NTM: variants seen among roughly 807,000 people sequenced by gnomAD.
NTM encodes IgLON family member 2.
In NTM, 13 loss-of-function variants were observed where a neutral mutation model predicts 42.1. That is an observed-to-expected ratio of 0.31 (90% CI 0.20 to 0.49). NTM has a LOEUF of 0.49. Among genes scored for constraint, NTM ranks in the 20% least tolerant of loss-of-function variants. NTM has a pLI of 0.99. For synonymous variants in NTM, 187 were observed against 179.2 expected (o/e 1.04, Z -0.35); for missense variants, 373 against 452.8 (o/e 0.82, Z 1.60).
intron 1 of NTM, among the ~76,000 whole-genome samples, chr11:131,486,045 A>G (rs549449247): frequency 6.6e-6 from 1 of 152,092 alleles, no homozygotes; most frequent in Non-Finnish European, 1.5e-5. Context: ...ACACAATTTA[A>G]ATACCAAGCA....
intron 2 of NTM, among the ~76,000 whole-genome samples, chr11:132,116,236 G>C (rs1164103297): frequency 6.6e-6 from 1 of 152,178 alleles, no homozygotes; most frequent in Non-Finnish European, 1.5e-5. Context: ...ACACTCCATA[G>C]GGCTGGAGGG....
At chr11:132,232,882 G>A (rs2087921551) in intron 4 of NTM, among the ~76,000 whole-genome samples, 1 of 152,164 alleles carries the variant, frequency 6.6e-6, no homozygotes, top group African/African-American at 2.4e-5. Context: ...AACGTAAGCG[G>A]CGTTTATGAC....
At chr11:131,575,875 G>T (rs922568542) in intron 1 of NTM, among the ~76,000 whole-genome samples, 1 of 152,156 alleles carries the variant, frequency 6.6e-6, no homozygotes, top group East Asian at 1.9e-4. Flanking sequence ...GGTGCTCTGT[G>T]GATTCCAGAT....
chr11:132,177,807 A>G lies in NTM; in HGVS notation c.400+31293A>G, dbSNP rs73038247. On this transcript the variant is annotated intron_variant, in intron 3 of 8. Coordinates refer to ENST00000683400, the MANE Select transcript of NTM (RefSeq NM_001352005.2). Reference sequence around the variant, plus strand: ...GATCAGGATCTTCATCTGTCGTATGACTATGACTAATGCACTCATCCTGAC... The same window carrying G: ...GATCAGGATCTTCATCTGTCGTATGGCTATGACTAATGCACTCATCCTGAC... Among the ~76,000 whole-genome samples the G allele has an allele frequency of 9.4e-3, 1,434 of 152,336 alleles. 29 individuals are homozygous for G. Among genetic ancestry groups the G allele is most frequent in the Non-Finnish European group, 9.7e-3 (661 of 68,042 alleles).
At chr11:131,978,955 A>C (rs897199247) in intron 2 of NTM, among the ~76,000 whole-genome samples, 1 of 152,156 alleles carries the variant, frequency 6.6e-6, no homozygotes, top group African/African-American at 2.4e-5. Flanking sequence ...TAGAAAACAA[A>C]ACTCTTGTCT....
At chr11:132,188,717 C>T (rs1457753169) in intron 3 of NTM, among the ~76,000 whole-genome samples, 1 of 152,196 alleles carries the variant, frequency 6.6e-6, no homozygotes, top group African/African-American at 2.4e-5. Context: ...CCTGCATATA[C>T]ACATAACTGT....
intron 3 of NTM, among the ~76,000 whole-genome samples, chr11:132,173,216 A>G (rs2076340112): frequency 6.6e-6 from 1 of 152,128 alleles, no homozygotes; most frequent in South Asian, 2.1e-4. Flanking sequence ...CACTCCATAT[A>G]TTTTCCAGGG....
chr11:132,158,141 G>T (rs570634103), intron 3 of NTM, among the ~76,000 whole-genome samples: 1 of 152,140 alleles, frequency 6.6e-6, no homozygotes, highest in Non-Finnish European at 1.5e-5. Context: ...CATCCCTACT[G>T]TGGCCTAAAA....
chr11:132,202,807 G>A (rs2138496620), intron 3 of NTM, among the ~76,000 whole-genome samples: 1 of 152,248 alleles, frequency 6.6e-6, no homozygotes, highest in Middle Eastern at 3.4e-3. Context: ...AAAGGAACAA[G>A]TTCCAATCTT....
intron 1 of NTM, among the ~76,000 whole-genome samples, chr11:131,798,484 G>T (rs1368189913): frequency 6.6e-6 from 1 of 152,152 alleles, no homozygotes; most frequent in African/African-American, 2.4e-5. Flanking sequence ...TGACTACAAA[G>T]CAGATTCAGT....
At chr11:131,760,356 C>G (rs79591502) in intron 1 of NTM, among the ~76,000 whole-genome samples, 3,723 of 151,962 alleles carry the variant, frequency 0.024, 152 homozygotes, top group African/African-American at 0.084. Context: ...AAAATGATGT[C>G]TGGTGTATGT....
chr11:131,765,110 G>T (rs1194854351), intron 1 of NTM, among the ~76,000 whole-genome samples: 4 of 152,116 alleles, frequency 2.6e-5, no homozygotes, highest in African/African-American at 7.2e-5. Context: ...CTTAAAGAAT[G>T]CTCTGTATGA....
At chr11:131,441,148 T>C (rs1949594210) in intron 1 of NTM, among the ~76,000 whole-genome samples, 1 of 152,214 alleles carries the variant, frequency 6.6e-6, no homozygotes, top group African/African-American at 2.4e-5. Context: ...TTATTTTGAT[T>C]GCAAGCCATT....
At chr11:131,810,655 G>A (rs988674776) in intron 1 of NTM, among the ~76,000 whole-genome samples, 2 of 152,150 alleles carry the variant, frequency 1.3e-5, no homozygotes, top group Admixed American at 6.5e-5. Context: ...GAGATATTCC[G>A]ACATGTGAAC....
intron 3 of NTM, among the ~76,000 whole-genome samples, chr11:132,168,630 A>C (rs2137784606): frequency 6.6e-6 from 1 of 152,276 alleles, no homozygotes; most frequent in African/African-American, 2.4e-5. Flanking sequence ...TTGCTTTATT[A>C]AATATTGATT....
At chr11:131,802,714 G>T (rs537692954) in intron 1 of NTM, among the ~76,000 whole-genome samples, 7 of 152,334 alleles carry the variant, frequency 4.6e-5, no homozygotes, top group Admixed American at 2.6e-4. Flanking sequence ...CAAACAGAGT[G>T]CTGCGCTAAC....
intron 1 of NTM, among the ~76,000 whole-genome samples, chr11:131,526,049 TGTACAG>T (rs1469448961): frequency 6.7e-6 from 1 of 150,064 alleles, no homozygotes; most frequent in African/African-American, 2.5e-5. Context: ...GGCTCCCTGT[TGTACAG>T]GTGCAGGTGT....
intron 1 of NTM, among the ~76,000 whole-genome samples, chr11:131,375,737 T>C (rs1417304223): frequency 6.6e-6 from 1 of 152,198 alleles, no homozygotes; most frequent in Non-Finnish European, 1.5e-5. Flanking sequence ...AAAAGAGCTC[T>C]GGCTTCTGCT....
intron 1 of NTM, among the ~76,000 whole-genome samples, chr11:131,635,027 T>C (rs908153571): frequency 3.3e-5 from 5 of 152,232 alleles, no homozygotes; most frequent in African/African-American, 1.2e-4. Context: ...AAGCCGCATA[T>C]TCCACGGTGA....
Sources: gnomAD v4.1 joint callset for allele counts (sites outside exome capture counted in the v4.1 genomes callset) on GRCh38, gnomAD v4.1.1 for gene constraint, MANE v1.5 for transcripts, NCBI Gene and HGNC (gene_info 2026-07-23, HGNC 2026-07-21) for gene names.